ZFAND2A: variants seen among roughly 807,000 people sequenced by gnomAD.
ZFAND2A encodes AN1-type zinc finger protein 2A.
ZFAND2A carries 20 observed loss-of-function variants against 11.6 expected under a neutral mutation model. The ratio of observed to expected loss-of-function variants is 1.72; its 90% CI spans 1.21 to 2.50. The LOEUF is 2.50. Among genes scored for constraint, ZFAND2A ranks in the 30% most tolerant of loss-of-function variants. The pLI, the probability that ZFAND2A is intolerant of heterozygous loss-of-function variation, is 0.00. For synonymous variants in ZFAND2A, 93 were observed against 60.6 expected (o/e 1.54, Z -2.48); for missense variants, 234 against 182.9 (o/e 1.28, Z -1.61).
At chr7:1,156,735 G>C (rs1448125816) in intron 3 of ZFAND2A, among the ~76,000 whole-genome samples, 1 of 152,264 alleles carries the variant, frequency 6.6e-6, no homozygotes, top group Admixed American at 6.5e-5. Context: ...GAGCACACCC[G>C]TCTACAGCCC....
chr7:1,153,377 G>C (rs373942960), intron 4 of ZFAND2A, 153 bp from the exon 5 acceptor site: 2 of 765,114 alleles, frequency 2.6e-6, no homozygotes, highest in African/African-American at 1.8e-5. Context: ...CCTAGTACCT[G>C]GTACTACAGG....
chr7:1,150,183 G>A (rs1006126890), downstream of ZFAND2A, among the ~76,000 whole-genome samples: 2 of 152,044 alleles, frequency 1.3e-5, no homozygotes, highest in African/African-American at 4.8e-5. Context: ...TGAAAATACA[G>A]TATGTTCTGC....
intron 3 of ZFAND2A, among the ~76,000 whole-genome samples, chr7:1,155,933 C>A (rs912388841): frequency 6.6e-6 from 1 of 152,242 alleles, no homozygotes; most frequent in Non-Finnish European, 1.5e-5. Context: ...CCACAAAGAC[C>A]CTCCAGCTCC....
rs560386863 is a variant in ZFAND2A, at chr7:1,157,597, C to T, written c.150+59G>A. 6.0e-6 allele frequency: 9 copies of T among 1,498,348 alleles called. No individual in the cohort carries two copies. In the East Asian group the frequency reaches 1.9e-4, roughly 31 times the overall value. The allele number at this position is 1,498,348 out of a possible 1,614,324, so 92.8% of individuals were successfully genotyped here. On this transcript the variant is annotated intron_variant, in intron 3 of 4. Coordinates refer to ENST00000316495, the MANE Select transcript of ZFAND2A (RefSeq NM_182491.4). Reference sequence around the variant, plus strand: ...ACGTCGCTAGTCCCTACCATACCAGCAAGACAGTGCAGCTTCAGACGGTGA... The same window carrying T: ...ACGTCGCTAGTCCCTACCATACCAGTAAGACAGTGCAGCTTCAGACGGTGA...
chr7:1,149,510 G>C (rs116315017), downstream of ZFAND2A, among the ~76,000 whole-genome samples: 3 of 152,208 alleles, frequency 2.0e-5, no homozygotes, highest in Non-Finnish European at 4.4e-5. Flanking sequence ...CTTGGGAACC[G>C]CCGGCCTAGG....
chr7:1,150,990 T>C (rs1227692640), downstream of ZFAND2A, among the ~76,000 whole-genome samples: 1 of 150,566 alleles, frequency 6.6e-6, no homozygotes, highest in Non-Finnish European at 1.5e-5. Flanking sequence ...CAGGTTCAAG[T>C]GATTCTCCTG....
chr7:1,154,310 G>A (rs545430756), intron 4 of ZFAND2A, among the ~76,000 whole-genome samples: 3 of 152,060 alleles, frequency 2.0e-5, no homozygotes, highest in Non-Finnish European at 2.9e-5. Context: ...GTGGCCCTCC[G>A]GCCAAGGCAG....
chr7:1,158,194 C>G lies in ZFAND2A; in HGVS notation c.19G>C (p.Gly7Arg). MEFPDLGKHCSEKTCKQ... is the reference protein window; with the variant it reads MEFPDLRKHCSEKTCKQ... ...CAAGTCTTTTCTGAACAATGCTTCC[C>G]CAAATCAGGAAACTCCATTATGAGA... The change falls in exon 2 of 5, where the codon GGG (glycine) becomes CGG (arginine). Residue 7 changes from glycine (G) to arginine (R), a missense_variant. Physicochemically the swap from Gly to Arg is moderately radical, Grantham distance 125 (BLOSUM62 -2). Coordinates refer to ENST00000316495, the MANE Select transcript of ZFAND2A (RefSeq NM_182491.4). The G allele has an allele frequency of 6.2e-7, 1 of 1,614,108 alleles. No individual in the cohort carries two copies. The highest frequency in any genetic ancestry group is 8.5e-7 in the Non-Finnish European group (1 of 1,180,002).
In ZFAND2A at chr7:1,158,194, C is replaced by A; in HGVS notation, c.19G>T (p.Gly7Trp). MEFPDL[G>W]KHCSEKTCKQ... ...CAAGTCTTTTCTGAACAATGCTTCC[C>A]CAAATCAGGAAACTCCATTATGAGA... The change falls in exon 2 of 5, where the codon GGG becomes TGG. Residue 7 changes from glycine to tryptophan, a missense_variant. Transcript: ENST00000316495. 4 of 1,614,108 alleles carry A rather than the reference C, an allele frequency of 2.5e-6. No individual in the cohort carries two copies. The highest frequency in any genetic ancestry group is 3.4e-6 in the Non-Finnish European group (4 of 1,180,002).
intron 2 of ZFAND2A, 113 bp from the exon 3 acceptor site, chr7:1,157,863 T>C (rs1202256947): frequency 1.3e-6 from 1 of 779,802 alleles, no homozygotes; most frequent in Non-Finnish European, 2.0e-6. Flanking sequence ...GATGGACAGG[T>C]CCTCGAGGGC....
At chr7:1,152,812 C>T (rs1467135825), downstream of ZFAND2A, 2 of 591,520 alleles carry the variant, frequency 3.4e-6, no homozygotes, top group Non-Finnish European at 6.1e-6. Context: ...GGACCTCCAG[C>T]CCCCAGAACT....
chr7:1,153,025 C>A lies in ZFAND2A; in HGVS notation c.*44G>T. On this transcript the variant is annotated 3_prime_UTR_variant, in exon 5 of 5. Coordinates refer to ENST00000316495, the MANE Select transcript of ZFAND2A (RefSeq NM_182491.4). Reference sequence around the variant, plus strand: ...CCCACTAGAGTGTAAGCTGCTTCCACGCATGCTACTGCGTGCTCCGAGCCA... The same window carrying A: ...CCCACTAGAGTGTAAGCTGCTTCCAAGCATGCTACTGCGTGCTCCGAGCCA... The A allele has an allele frequency of 6.2e-7, 1 of 1,612,410 alleles. No individual in the cohort carries two copies. Among genetic ancestry groups the A allele is most frequent in the Non-Finnish European group, 8.5e-7 (1 of 1,179,132 alleles).
chr7:1,157,477 C>T (rs949659494), intron 3 of ZFAND2A, 179 bp downstream of exon 3: 27 of 520,772 alleles, frequency 5.2e-5, no homozygotes, highest in Non-Finnish European at 7.8e-5. Flanking sequence ...AGGGCAGACA[C>T]GCTCCTCTGT....
intron 1 of ZFAND2A, among the ~76,000 whole-genome samples, chr7:1,159,313 CCAA>C (rs1793616575): frequency 3.9e-5 from 6 of 152,372 alleles, no homozygotes; most frequent in Middle Eastern, 6.8e-3. Flanking sequence ...TCCTAGGAAA[CCAA>C]CACCCTACCC....
chr7:1,152,574 CAG>C (rs1393330258), downstream of ZFAND2A, among the ~76,000 whole-genome samples: 1 of 152,224 alleles, frequency 6.6e-6, no homozygotes, highest in Non-Finnish European at 1.5e-5. Context: ...CTCGGGACCT[CAG>C]AGTGTGACCT....
At position 1,153,137 on chromosome 7, in the gene ZFAND2A, T is replaced by G. The variant is rs1443486965; in HGVS notation, c.370A>C (p.Ile124Leu). The G allele has an allele frequency of 6.2e-7, 1 of 1,614,128 alleles. No homozygotes were observed. The highest frequency in any genetic ancestry group is 1.3e-5 in the African/African-American group (1 of 74,940). The change falls in exon 5 of 5, where the codon ATC becomes CTC. Residue 124 changes from isoleucine (I) to leucine (L), a missense_variant. By Grantham distance (5) the Ile-to-Leu change is conservative. Coordinates refer to ENST00000316495, the MANE Select transcript of ZFAND2A (RefSeq NM_182491.4). ...VCAQCHGNFC[I>L]QHRHPLDHSC... ...TGGTCCAAAGGGTGTCTGTGCTGGA[T>G]ACAGAAGTTGCCGTGACATTGGGCA...
chr7:1,153,050 A>G lies in ZFAND2A; in HGVS notation c.*19T>C. On this transcript the variant is annotated 3_prime_UTR_variant, in exon 5 of 5. Transcript: ENST00000316495. ...CGCATGCTACTGCGTGCTCCGAGCC[A>G]TCGCAGCGGAGTCTCTTCTCACCCA... 6.2e-7 allele frequency: 1 copy of G among 1,614,124 alleles called. No homozygotes were observed. Among genetic ancestry groups the G allele is most frequent in the South Asian group, 1.1e-5 (1 of 91,082 alleles).
Position 1,153,087 on chromosome 7 carries a change from G to T in ZFAND2A, c.420C>A (p.Pro140=). The change falls in exon 5 of 5, where the codon CCC becomes CCA. Residue 140 remains proline, a synonymous_variant. Coordinates refer to ENST00000316495, the MANE Select transcript of ZFAND2A (RefSeq NM_182491.4). ...TCTCTTCTCACCCAGCTTTGATGGT[G>T]GGGCGACTCCCGTGTCTGCAGCTGT... The part of the protein sequence containing the change: ...LDHSCRHGSR[P]TIKAG 6.2e-7 allele frequency: 1 copy of T among 1,614,156 alleles called. No individual in the cohort carries two copies. Among genetic ancestry groups the T allele is most frequent in the South Asian group, 1.1e-5 (1 of 91,082 alleles).
chr7:1,159,796 G>A (rs1410184580), intron 1 of ZFAND2A, among the ~76,000 whole-genome samples, 168 bp downstream of exon 1: 1 of 100,340 alleles, frequency 1.0e-5, no homozygotes, highest in Non-Finnish European at 2.4e-5. Flanking sequence ...GACCCCGGCA[G>A]GCCCGGTCCC....
Sources: gnomAD v4.1 joint callset for allele counts (sites outside exome capture counted in the v4.1 genomes callset) on GRCh38, gnomAD v4.1.1 for gene constraint, MANE v1.5 for transcripts, NCBI Gene and HGNC (gene_info 2026-07-23, HGNC 2026-07-21) for gene names.